SVEP1: variants seen among roughly 807,000 people sequenced by gnomAD.
The protein encoded by SVEP1 is sushi, von Willebrand factor type A, EGF and pentraxin domain-containing protein 1.
In SVEP1, 164 loss-of-function variants were observed where a neutral mutation model predicts 367.3. That is an observed-to-expected ratio of 0.45 (90% CI 0.39 to 0.51). The LOEUF is 0.51. Among genes scored for constraint, SVEP1 ranks in the 20% least tolerant of loss-of-function variants. SVEP1 has a pLI of 0.00. For synonymous variants in SVEP1, 1,666 were observed against 1,611.6 expected, an observed-to-expected ratio of 1.03 and a Z score of -0.81; for missense variants, 4,117 against 4,425.3, an observed-to-expected ratio of 0.93 and a Z score of 1.98.
At position 110,366,558 on chromosome 9, in the gene SVEP1, T is replaced by C. The variant is rs1460042882; in HGVS notation, c.10697A>G (p.Lys3566Arg). 4 of 1,525,330 alleles carry C rather than the reference T, an allele frequency of 2.6e-6. No individual in the cohort carries two copies. Among genetic ancestry groups the C allele is most frequent in the Non-Finnish European group, 3.5e-6 (4 of 1,142,402 alleles). 94.5% of individuals were successfully genotyped at this position (1,525,330 alleles called of 1,614,324 possible). The change falls in exon 48 of 48, where the codon AAA (lysine) becomes AGA (arginine). Residue 3566 changes from lysine to arginine, a missense_variant and splice_region_variant. Physicochemically the swap from Lys to Arg is conservative, Grantham distance 26 (BLOSUM62 2). Around this residue, in one of 4 missense-constraint regions of SVEP1, gnomAD observed 1,765 missense variants for 1,781.1 expected, o/e 0.99. Transcript: ENST00000374469. ...SSWTGHNCSR[K>R]RRTGF ...CAGTGGTTAAAACCCAGTCCTCCTT[T>C]TCCTGGAAAAAAAAAAAAAAGCAAC...
intron 40 of SVEP1, among the ~76,000 whole-genome samples, chr9:110,390,312 T>TATATATACTTATATAA (rs1564127528): frequency 1.0e-3 from 11 of 10,992 alleles, no homozygotes; most frequent in African/African-American, 2.3e-3. Context: ...TATATAAGTA[T>TATATATACTTATATAA]GTGTATATAT....
chr9:110,516,671 G>C (rs987729217), intron 3 of SVEP1, among the ~76,000 whole-genome samples: 4 of 152,080 alleles, frequency 2.6e-5, no homozygotes, highest in African/African-American at 7.2e-5. Context: ...AAGATAAATA[G>C]AGAGATAGAA....
rs187413997 is a variant in SVEP1, at chr9:110,472,939, G to A, written c.2600-616C>T. On this transcript the variant is annotated intron_variant, in intron 14 of 47. Transcript: ENST00000374469. Reference sequence around the variant, plus strand: ...GCATGGGTTCAGATTGTGGCTTCTCGATGTAGGCTGCTGTATAATCTTAGT... The same window carrying A: ...GCATGGGTTCAGATTGTGGCTTCTCAATGTAGGCTGCTGTATAATCTTAGT... Among the ~76,000 whole-genome samples, 74 of 152,198 alleles carry A rather than the reference G, an allele frequency of 4.9e-4. No homozygotes were observed. In the Middle Eastern group the frequency reaches 0.01, roughly 21 times the overall value.
intron 7 of SVEP1, among the ~76,000 whole-genome samples, chr9:110,498,297 G>C (rs1355815756): frequency 1.3e-5 from 2 of 152,172 alleles, no homozygotes; most frequent in Non-Finnish European, 2.9e-5. Flanking sequence ...CTCTAGCTCA[G>C]AGAAATTTTC....
chr9:110,578,999 G>C lies in SVEP1; in HGVS notation c.531+14C>G. The C allele has an allele frequency of 6.5e-7, 1 of 1,526,910 alleles. No homozygotes were observed. Among genetic ancestry groups the C allele is most frequent in the Non-Finnish European group, 8.8e-7 (1 of 1,138,148 alleles). The allele number at this position is 1,526,910 out of a possible 1,614,324, so 94.6% of individuals were successfully genotyped here. On this transcript the variant is annotated intron_variant, in intron 1 of 47. Transcript: ENST00000374469. ...GGGGACTAGGGCCCGGGTCGGGAGG[G>C]GCGGGCGCCTTACCGCGGCTTGCTG...
Position 110,502,931 on chromosome 9 carries a change from T to C in SVEP1, c.1483+107A>G, listed in dbSNP as rs922584193. The C allele has an allele frequency of 2.5e-6, 3 of 1,213,626 alleles. No individual in the cohort carries two copies. The African/African-American group carries it at 4.6e-5, about 18-fold the overall frequency. 75.2% of individuals were successfully genotyped at this position (1,213,626 alleles called of 1,614,324 possible). A position where few individuals can be genotyped will look rare whatever the true frequency, so the allele number is the denominator to read the frequency against. ...GCACCTGTACATGTGGATATGTATTTATACTCATTACCAGCTAGTGTTTAG... is the reference window on the plus strand; with the variant it reads ...GCACCTGTACATGTGGATATGTATTCATACTCATTACCAGCTAGTGTTTAG... On this transcript the variant is annotated intron_variant, in intron 6 of 47. Coordinates refer to ENST00000374469, the MANE Select transcript of SVEP1 (RefSeq NM_153366.4).
intron 1 of SVEP1, among the ~76,000 whole-genome samples, chr9:110,566,475 T>C (rs55720255): frequency 0.031 from 4,655 of 152,308 alleles, 101 homozygotes; most frequent in Non-Finnish European, 0.045. Context: ...CATTATCATA[T>C]ACCATGATTC....
intron 8 of SVEP1, among the ~76,000 whole-genome samples, chr9:110,490,485 C>G (rs1829351671): frequency 6.6e-6 from 1 of 152,108 alleles, no homozygotes; most frequent in South Asian, 2.1e-4. Context: ...ATCTCTCCCT[C>G]CCCCACCTTT....
chr9:110,390,275 TTA>T (rs1202753134), intron 40 of SVEP1, among the ~76,000 whole-genome samples: 4 of 67,904 alleles, frequency 5.9e-5, no homozygotes, highest in African/African-American at 1.3e-4. Context: ...ATATATATAC[TTA>T]TATATATACA....
intron 40 of SVEP1, among the ~76,000 whole-genome samples, chr9:110,395,047 T>C (rs546673576): frequency 2.0e-5 from 3 of 152,226 alleles, no homozygotes; most frequent in Admixed American, 6.5e-5. Flanking sequence ...AGACACATAA[T>C]TGTCAGATTC....
chr9:110,573,369 G>C (rs1830588161), intron 1 of SVEP1, among the ~76,000 whole-genome samples: 2 of 150,974 alleles, frequency 1.3e-5, no homozygotes, highest in Admixed American at 1.3e-4. Flanking sequence ...TGGGAGAGAA[G>C]ATTACTCTCC....
At chr9:110,466,993 GC>G (rs1828949183) in intron 17 of SVEP1, among the ~76,000 whole-genome samples, 3 of 152,018 alleles carry the variant, frequency 2.0e-5, no homozygotes. Flanking sequence ...CTTTCTTTCT[GC>G]TTTTGACCTC....
At chr9:110,509,174 T>C (rs1372901737) in intron 5 of SVEP1, among the ~76,000 whole-genome samples, 1 of 152,164 alleles carries the variant, frequency 6.6e-6, no homozygotes, top group East Asian at 1.9e-4. Context: ...ATAATGCCAA[T>C]TAAAGGGTTT....
chr9:110,504,034 T>G (rs1829582954), intron 5 of SVEP1, among the ~76,000 whole-genome samples: 1 of 151,270 alleles, frequency 6.6e-6, no homozygotes, highest in South Asian at 2.1e-4. Context: ...TATTTTATTT[T>G]ATTTTATTTT....
intron 43 of SVEP1, among the ~76,000 whole-genome samples, chr9:110,384,433 C>T (rs769776023): frequency 2.6e-5 from 4 of 151,984 alleles, no homozygotes; most frequent in African/African-American, 7.3e-5. Context: ...TTGTTCTTCT[C>T]GGTGGGAGGC....
chr9:110,497,454 T>C (rs1829468038), intron 7 of SVEP1, among the ~76,000 whole-genome samples: 2 of 152,150 alleles, frequency 1.3e-5, no homozygotes, highest in Admixed American at 1.3e-4. Flanking sequence ...TCTCCCCCAA[T>C]AGAATTTAAG....
intron 5 of SVEP1, among the ~76,000 whole-genome samples, chr9:110,511,181 T>C (rs1007926740): frequency 6.6e-6 from 1 of 152,200 alleles, no homozygotes; most frequent in Non-Finnish European, 1.5e-5. Context: ...CTGTTTTTAA[T>C]ATTTTTTTTG....
At chr9:110,486,191 C>G (rs948293682) in intron 9 of SVEP1, among the ~76,000 whole-genome samples, 3 of 152,196 alleles carry the variant, frequency 2.0e-5, no homozygotes, top group Non-Finnish European at 1.5e-5. Flanking sequence ...CAATTCATAG[C>G]TAAATTTACA....
rs916173593 is a variant in SVEP1 at position 110,415,545 on chromosome 9, A to C, written c.5976-3810T>G. Reference sequence around the variant, plus strand: ...GACGGTAAGACAGGTCATATTTTACAAAGGCCATGACTTGAACAGAGCGAT... The same window carrying C: ...GACGGTAAGACAGGTCATATTTTACCAAGGCCATGACTTGAACAGAGCGAT... On this transcript the variant is annotated intron_variant, in intron 36 of 47. Transcript: ENST00000374469. Among the ~76,000 whole-genome samples the C allele has an allele frequency of 1.7e-4, 26 of 152,052 alleles. 1 individual carries two copies. Among genetic ancestry groups the C allele is most frequent in the African/African-American group, 6.3e-4 (26 of 41,292 alleles).
Sources: allele counts gnomAD v4.1 joint callset (sites outside exome capture counted in the v4.1 genomes callset), GRCh38; gene constraint gnomAD v4.1.1; regional missense constraint gnomAD v4.1.1; transcripts MANE v1.5; gene names NCBI Gene and HGNC (gene_info 2026-07-23, HGNC 2026-07-21).